The following GNB1 variants were observed in gnomAD, a reference collection of about 807,000 sequenced individuals.
GNB1 encodes the protein guanine nucleotide-binding protein G(I)/G(S)/G(T) subunit beta-1.
A neutral mutation model predicts 42.9 loss-of-function variants in GNB1; 2 were observed. The observed-to-expected ratio is 0.05, with a 90% confidence interval of 0.02 to 0.15. The LOEUF (loss-of-function observed/expected upper bound fraction) is 0.15, where lower values mean the gene tolerates loss of function less well. Among genes scored for constraint, GNB1 ranks in the 10% least tolerant of loss-of-function variants. The probability of loss-of-function intolerance (pLI) is 1.00; values close to 1 mark genes in which losing one functional copy is unlikely to be tolerated. For missense variants in GNB1, 193 were observed against 462.2 expected (o/e 0.42, Z 5.34); for synonymous variants, 183 against 174.7 (o/e 1.05, Z -0.38).
intron 1 of GNB1, among the ~76,000 whole-genome samples, chr1:1,857,851 G>C (rs540206074): frequency 6.6e-6 from 1 of 152,060 alleles, no homozygotes; most frequent in Non-Finnish European, 1.5e-5. Context: ...GGCACAGTAA[G>C]AAATTAACAA....
chr1:1,868,966 C>T (rs1649097144), intron 1 of GNB1, among the ~76,000 whole-genome samples: 1 of 151,410 alleles, frequency 6.6e-6, no homozygotes, highest in Non-Finnish European at 1.5e-5. Flanking sequence ...GGACGGACCA[C>T]GAGGTCAGGA....
At chr1:1,803,617 A>G (rs1646655222) in intron 7 of GNB1, among the ~76,000 whole-genome samples, 1 of 152,312 alleles carries the variant, frequency 6.6e-6, no homozygotes, top group Non-Finnish European at 1.5e-5. Flanking sequence ...AAGGCATATC[A>G]GGCTTGTTTT....
At chr1:1,872,408 G>A (rs1475719634) in intron 1 of GNB1, among the ~76,000 whole-genome samples, 1 of 152,196 alleles carries the variant, frequency 6.6e-6, no homozygotes, top group Non-Finnish European at 1.5e-5. Context: ...TCTGCACGAG[G>A]ACCCTCACCT....
chr1:1,862,354 G>A (rs902676417), intron 1 of GNB1, among the ~76,000 whole-genome samples: 1 of 152,160 alleles, frequency 6.6e-6, no homozygotes, highest in African/African-American at 2.4e-5. Context: ...GGTAAATTAG[G>A]AGATGATTAC....
intron 2 of GNB1, among the ~76,000 whole-genome samples, chr1:1,838,256 A>G (rs1647177900): frequency 6.6e-6 from 1 of 152,178 alleles, no homozygotes; most frequent in African/African-American, 2.4e-5. Context: ...TATTCAATTT[A>G]ATTTTGCTTT....
At chr1:1,852,684 A>C (rs932717462) in intron 1 of GNB1, among the ~76,000 whole-genome samples, 1 of 150,918 alleles carries the variant, frequency 6.6e-6, no homozygotes, top group Non-Finnish European at 1.5e-5. Flanking sequence ...TCTGTCTCTT[A>C]AGAAAAAAAA....
chr1:1,878,728 A>C (rs1257421068), intron 1 of GNB1, among the ~76,000 whole-genome samples: 1 of 152,092 alleles, frequency 6.6e-6, no homozygotes, highest in South Asian at 2.1e-4. Flanking sequence ...GCATTTTACA[A>C]AAGATCTCTC....
Position 1,820,519 on chromosome 1 carries a change from T to C in GNB1, c.58-2644A>G, listed in dbSNP as rs1022058519. 3.9e-5 allele frequency among the ~76,000 whole-genome samples: 6 copies of C among 152,150 alleles called. No homozygotes were observed. The East Asian group carries it at 5.8e-4, about 15-fold the overall frequency. Reference sequence around the variant, plus strand: ...GAGTATTTCTATGCAAGCAGTAACATTTGGAGTAAGGGGGATGAAGAATAC... The same window carrying C: ...GAGTATTTCTATGCAAGCAGTAACACTTGGAGTAAGGGGGATGAAGAATAC... On this transcript the variant is annotated intron_variant, in intron 3 of 11. Coordinates refer to ENST00000378609, the MANE Select transcript of GNB1 (RefSeq NM_002074.5).
intron 1 of GNB1, among the ~76,000 whole-genome samples, chr1:1,876,035 T>C (rs959766053): frequency 6.6e-6 from 1 of 152,084 alleles, no homozygotes; most frequent in East Asian, 1.9e-4. Flanking sequence ...GTGACTCCTC[T>C]ACAAGCCACA....
intron 2 of GNB1, among the ~76,000 whole-genome samples, chr1:1,833,020 A>G (rs1570686192): frequency 6.6e-6 from 1 of 152,206 alleles, no homozygotes; most frequent in African/African-American, 2.4e-5. Context: ...AACAGGCACC[A>G]TGCTCACCAA....
intron 1 of GNB1, among the ~76,000 whole-genome samples, chr1:1,849,103 T>C (rs947775823): frequency 1.3e-5 from 2 of 152,162 alleles, no homozygotes; most frequent in African/African-American, 2.4e-5. Context: ...GCTCTATCAA[T>C]TGTGCCCAAG....
chr1:1,880,481 G>A (rs1360521573), intron 1 of GNB1, among the ~76,000 whole-genome samples: 2 of 151,874 alleles, frequency 1.3e-5, no homozygotes, highest in African/African-American at 2.4e-5. Context: ...CCAGCTACTC[G>A]GAGAGGCCGA....
intron 1 of GNB1, among the ~76,000 whole-genome samples, chr1:1,861,095 C>A (rs896405048): frequency 8.1e-6 from 1 of 123,674 alleles, no homozygotes; most frequent in African/African-American, 3.0e-5. Flanking sequence ...GGCGACAGAG[C>A]GAGACTCTGT....
In GNB1 at chr1:1,867,259, A is replaced by G. The variant is rs528609083; in HGVS notation, c.-96+23561T>C. The stretch of plus-strand genomic sequence containing the variant: ...CCCAGCCTGGCAAGAGCGAAACTCC[A>G]CCAAAAAACAACATTTTAAGAAAGT... On this transcript the variant is annotated intron_variant, in intron 1 of 11. Transcript: ENST00000378609. Among the ~76,000 whole-genome samples the G allele has an allele frequency of 3.3e-5, 5 of 152,322 alleles. No individual in the cohort carries two copies. In the East Asian group the frequency reaches 5.8e-4, roughly 18 times the overall value.
At chr1:1,823,187 A>T (rs1646955231) in intron 3 of GNB1, among the ~76,000 whole-genome samples, 1 of 140,094 alleles carries the variant, frequency 7.1e-6, no homozygotes, top group Admixed American at 7.8e-5. Flanking sequence ...GCTTGCAGTG[A>T]GCTGAGATCG....
chr1:1,885,551 C>CTTTT (rs60651257), intron 1 of GNB1, among the ~76,000 whole-genome samples: 3 of 94,058 alleles, frequency 3.2e-5, no homozygotes, highest in African/African-American at 7.1e-5. Flanking sequence ...TCCACTTAAT[C>CTTTT]TTTTTTTTTT....
rs757697769 is a variant in GNB1 at position 1,848,020 on chromosome 1, T to C, written c.-95-8782A>G. Among the ~76,000 whole-genome samples, 3 of 140,448 alleles carry C rather than the reference T, an allele frequency of 2.1e-5. No individual in the cohort carries two copies. In the East Asian group the frequency reaches 6.1e-4, roughly 29 times the overall value. The allele number at this position is 140,448 out of a possible 152,430, so 92.1% of individuals were successfully genotyped here. A position where few individuals can be genotyped will look rare whatever the true frequency, so the allele number is the denominator to read the frequency against. ...ACTTCTTTAGGACACAGAGCTTTTATGGCACAGGAACTAAAACTAAAGCAT... is the reference window on the plus strand; with the variant it reads ...ACTTCTTTAGGACACAGAGCTTTTACGGCACAGGAACTAAAACTAAAGCAT... On this transcript the variant is annotated intron_variant, in intron 1 of 11. Coordinates refer to ENST00000378609, the MANE Select transcript of GNB1 (RefSeq NM_002074.5).
chr1:1,822,276 G>A (rs945582135), intron 3 of GNB1, among the ~76,000 whole-genome samples: 1 of 151,496 alleles, frequency 6.6e-6, no homozygotes, highest in South Asian at 2.1e-4. Flanking sequence ...CATGAGCCAC[G>A]GTGCCTGGCC....
intron 6 of GNB1, among the ~76,000 whole-genome samples, chr1:1,806,239 C>T (rs984519325): frequency 3.3e-5 from 5 of 152,184 alleles, no homozygotes; most frequent in African/African-American, 1.2e-4. Context: ...CTCCCACCAG[C>T]TTGGTAAGGA....
Sources: gnomAD v4.1 joint callset for allele counts (sites outside exome capture counted in the v4.1 genomes callset) on GRCh38, gnomAD v4.1.1 for gene constraint, MANE v1.5 for transcripts, NCBI Gene and HGNC (gene_info 2026-07-23, HGNC 2026-07-21) for gene names.